The following GRAMD2A variants were observed in gnomAD, a reference collection of about 807,000 sequenced individuals.
GRAMD2A encodes the protein GRAM domain containing 2A.
In GRAMD2A, 37 loss-of-function variants were observed where a neutral mutation model predicts 51.1. The observed-to-expected ratio is 0.72, with a 90% confidence interval of 0.56 to 0.95. GRAMD2A has a LOEUF of 0.95. Ranked by LOEUF, GRAMD2A falls within the 40% of genes least tolerant of loss-of-function variation. The pLI is 0.00. For synonymous variants in GRAMD2A, 136 were observed against 157.1 expected (o/e 0.87, Z 1.01); for missense variants, 414 against 426.9 (o/e 0.97, Z 0.27).
intron 1 of GRAMD2A, among the ~76,000 whole-genome samples, chr15:72,181,058 C>T (rs146506421): frequency 1.3e-5 from 2 of 152,300 alleles, no homozygotes; most frequent in African/African-American, 2.4e-5. Context: ...GGATTCTGGG[C>T]GGACAGGGTC....
Position 72,161,793 on chromosome 15 carries a change from C to A in GRAMD2A, c.*216G>T, listed in dbSNP as rs926678798. On this transcript the variant is annotated 3_prime_UTR_variant, in exon 12 of 12. Transcript: ENST00000309731. ...AAAAAATCTGGCTTTTTGCTTGAGTCCAAAAATTGTAGAAGCCAGTTACTT... is the reference window on the plus strand; with the variant it reads ...AAAAAATCTGGCTTTTTGCTTGAGTACAAAAATTGTAGAAGCCAGTTACTT... 2 of 558,616 alleles carry A rather than the reference C, an allele frequency of 3.6e-6. No homozygotes were observed. The highest frequency in any genetic ancestry group is 3.8e-5 in the African/African-American group (2 of 52,762). The allele number at this position is 558,616 out of a possible 1,614,324, so 34.6% of individuals were successfully genotyped here.
At chr15:72,197,671 C>T in intron 1 of GRAMD2A, 60 bp downstream of exon 1, 2 of 1,239,194 alleles carry the variant, frequency 1.6e-6, no homozygotes, top group South Asian at 2.5e-5. Context: ...CGCGCGGCAG[C>T]AGCCCCTCGC....
At chr15:72,172,016 G>A (rs559992807) in intron 1 of GRAMD2A, among the ~76,000 whole-genome samples, 14 of 151,736 alleles carry the variant, frequency 9.2e-5, no homozygotes, top group South Asian at 2.1e-4. Flanking sequence ...TAGTAGAGAC[G>A]GGGGTTTCAC....
At chr15:72,185,072 G>A (rs904773515) in intron 1 of GRAMD2A, among the ~76,000 whole-genome samples, 5 of 151,912 alleles carry the variant, frequency 3.3e-5, no homozygotes, top group Non-Finnish European at 5.9e-5. Flanking sequence ...CCTCCCAAAC[G>A]ACTGATTTTT....
intron 1 of GRAMD2A, among the ~76,000 whole-genome samples, chr15:72,188,679 C>T (rs1325821271): frequency 2.0e-5 from 3 of 151,716 alleles, no homozygotes; most frequent in Non-Finnish European, 4.4e-5. Context: ...TTTTGGTATA[C>T]TTTGCCTCAA....
intron 1 of GRAMD2A, among the ~76,000 whole-genome samples, chr15:72,182,362 C>CAAAAA (rs36075463): frequency 2.1e-5 from 1 of 47,554 alleles, no homozygotes; most frequent in African/African-American, 8.6e-5. Flanking sequence ...GAGACTGTCT[C>CAAAAA]AAAAAAAAAA....
At chr15:72,189,975 G>A (rs2140560386) in intron 1 of GRAMD2A, among the ~76,000 whole-genome samples, 1 of 152,076 alleles carries the variant, frequency 6.6e-6, no homozygotes, top group East Asian at 1.9e-4. Context: ...GAGTGGGTGG[G>A]GAAAAAAAGG....
chr15:72,187,515 A>G (rs1010844896), intron 1 of GRAMD2A, among the ~76,000 whole-genome samples: 1 of 151,850 alleles, frequency 6.6e-6, no homozygotes, highest in African/African-American at 2.4e-5. Flanking sequence ...TAAAGATATA[A>G]GTTATATATA....
chr15:72,179,332 C>A (rs2081679727), intron 1 of GRAMD2A, among the ~76,000 whole-genome samples: 1 of 152,232 alleles, frequency 6.6e-6, no homozygotes, highest in South Asian at 2.1e-4. Flanking sequence ...ATGAGCCGGC[C>A]TGTCAGATTC....
In GRAMD2A at chr15:72,192,338, T is replaced by C. The variant is rs191987640; in HGVS notation, c.41+5393A>G. On this transcript the variant is annotated intron_variant, in intron 1 of 11. Coordinates refer to ENST00000309731, the MANE Select transcript of GRAMD2A (RefSeq NM_001012642.3). The stretch of plus-strand genomic sequence containing the variant: ...TTGTCTGGTAATGAAGGAAGCCCAA[T>C]AGGAATACCAATTCTGAAGTACTGT... Among the ~76,000 whole-genome samples, 421 of 152,334 alleles carry C rather than the reference T, an allele frequency of 2.8e-3. 3 individuals are homozygous for C. Among genetic ancestry groups the C allele is most frequent in the Middle Eastern group, 0.014 (4 of 294 alleles).
chr15:72,195,756 C>T (rs1189134670), intron 1 of GRAMD2A, among the ~76,000 whole-genome samples: 1 of 152,090 alleles, frequency 6.6e-6, no homozygotes, highest in African/African-American at 2.4e-5. Context: ...CCCGTCTCTA[C>T]TAAAAAATAC....
chr15:72,177,591 T>G (rs1208863398), intron 1 of GRAMD2A, among the ~76,000 whole-genome samples: 2 of 152,260 alleles, frequency 1.3e-5, no homozygotes, highest in Non-Finnish European at 2.9e-5. Flanking sequence ...TGATGGACAT[T>G]TAGGCAGTTT....
At chr15:72,187,661 T>C (rs1379572832) in intron 1 of GRAMD2A, among the ~76,000 whole-genome samples, 1 of 152,028 alleles carries the variant, frequency 6.6e-6, no homozygotes, top group African/African-American at 2.4e-5. Flanking sequence ...TGCAGGCATG[T>C]GCCATCAAGC....
chr15:72,164,413 T>TA (rs961812474), intron 8 of GRAMD2A, among the ~76,000 whole-genome samples: 2 of 149,142 alleles, frequency 1.3e-5, no homozygotes, highest in South Asian at 2.1e-4. Flanking sequence ...CATCTTTTAT[T>TA]TTTTTTTTTT....
chr15:72,185,395 T>C (rs2081728486), intron 1 of GRAMD2A, among the ~76,000 whole-genome samples: 1 of 152,150 alleles, frequency 6.6e-6, no homozygotes, highest in Admixed American at 6.5e-5. Flanking sequence ...GATTTCACCA[T>C]GTTGGCCAGG....
chr15:72,185,835 G>C (rs1180993915), intron 1 of GRAMD2A, among the ~76,000 whole-genome samples: 1 of 152,202 alleles, frequency 6.6e-6, no homozygotes, highest in Non-Finnish European at 1.5e-5. Flanking sequence ...GGGCAATTTG[G>C]CTACCTCCCA....
chr15:72,177,038 A>T lies in GRAMD2A; in HGVS notation c.42-7099T>A, dbSNP rs114175976. 5.7e-3 allele frequency among the ~76,000 whole-genome samples: 853 copies of T among 150,790 alleles called. 8 individuals are homozygous for T. The highest frequency in any genetic ancestry group is 0.019 in the African/African-American group (773 of 41,076). ...ATGCCACCATGCCCAGCTATTTTTT[A>T]AAAAATTTTTTTATAGAGATAAGGT... On this transcript the variant is annotated intron_variant, in intron 1 of 11. Coordinates refer to ENST00000309731, the MANE Select transcript of GRAMD2A (RefSeq NM_001012642.3).
At chr15:72,163,227 G>T in intron 10 of GRAMD2A, 39 bp downstream of exon 10, 1 of 1,379,048 alleles carries the variant, frequency 7.3e-7, no homozygotes, top group Non-Finnish European at 1.0e-6. Flanking sequence ...ACCTAGACAT[G>T]CAGGTGGGTC....
intron 1 of GRAMD2A, 47 bp from the exon 2 acceptor site, chr15:72,169,986 C>G: frequency 7.0e-7 from 1 of 1,419,668 alleles, no homozygotes; most frequent in Non-Finnish European, 1.0e-6. Context: ...CATGAGGACA[C>G]CTTTCCCTAA....
Sources: gnomAD v4.1 joint callset for allele counts (sites outside exome capture counted in the v4.1 genomes callset) on GRCh38, gnomAD v4.1.1 for gene constraint, MANE v1.5 for transcripts, NCBI Gene and HGNC (gene_info 2026-07-23, HGNC 2026-07-21) for gene names.